Variants in MCU observed in about 807,000 individuals in gnomAD.
MCU encodes the protein mitochondrial calcium uniporter.
A neutral mutation model predicts 45.2 loss-of-function variants in MCU; 12 were observed. The ratio of observed to expected loss-of-function variants is 0.27; its 90% confidence interval spans 0.17 to 0.43. The LOEUF (loss-of-function observed/expected upper bound fraction) is 0.43, where lower values mean the gene tolerates loss of function less well. MCU is among the 20% of genes least tolerant of loss of function. The pLI is 1.00. For missense variants in MCU, 324 were observed against 436.7 expected (o/e 0.74, Z 2.30); for synonymous variants, 160 against 165.1 (o/e 0.97, Z 0.24).
chr10:72,705,527 C>CA (rs938122032), intron 1 of MCU, among the ~76,000 whole-genome samples: 32 of 150,610 alleles, frequency 2.1e-4, no homozygotes, highest in South Asian at 6.3e-4. Context: ...ACTAAAAATA[C>CA]AAAAAAAAGA....
chr10:72,702,135 C>T (rs957235122), intron 1 of MCU, among the ~76,000 whole-genome samples: 31 of 151,570 alleles, frequency 2.0e-4, no homozygotes, highest in African/African-American at 6.3e-4. Flanking sequence ...GCCATAATTC[C>T]AGCCACTTGG....
At chr10:72,729,952 CT>C (rs58668483) in intron 1 of MCU, among the ~76,000 whole-genome samples, 6,506 of 90,564 alleles carry the variant, frequency 0.072, 694 homozygotes, top group African/African-American at 0.24. Flanking sequence ...CTTCAGCATT[CT>C]TTTTTTTTTT....
intron 1 of MCU, among the ~76,000 whole-genome samples, chr10:72,788,786 A>G (rs1321620276): frequency 6.6e-6 from 1 of 152,256 alleles, no homozygotes; most frequent in Non-Finnish European, 1.5e-5. Flanking sequence ...ATTGTCACCT[A>G]GTAGCAATTA....
chr10:72,743,577 CT>C (rs1379408929), intron 1 of MCU, among the ~76,000 whole-genome samples: 2 of 151,740 alleles, frequency 1.3e-5, no homozygotes, highest in East Asian at 1.9e-4. Flanking sequence ...CATTTTTTTT[CT>C]GTACTTGTAC....
At chr10:72,816,414 A>T (rs1011390237) in intron 1 of MCU, among the ~76,000 whole-genome samples, 1 of 152,200 alleles carries the variant, frequency 6.6e-6, no homozygotes, top group Non-Finnish European at 1.5e-5. Flanking sequence ...GGCTTCCTGA[A>T]CTTCAGTAAT....
chr10:72,799,648 T>C (rs1411103275), intron 1 of MCU, among the ~76,000 whole-genome samples: 1 of 152,132 alleles, frequency 6.6e-6, no homozygotes, highest in Non-Finnish European at 1.5e-5. Flanking sequence ...AACAGAATTT[T>C]TGGGGCTAAG....
rs1169194874 is a variant in MCU at position 72,692,246 on chromosome 10, G to T, written c.95G>T (p.Gly32Val). The T allele has an allele frequency of 8.1e-7, 1 of 1,238,956 alleles. No individual in the cohort carries two copies. The highest frequency in any genetic ancestry group is 1.6e-5 in the African/African-American group (1 of 64,330). 76.7% of individuals were successfully genotyped at this position (1,238,956 alleles called of 1,614,324 possible). The change falls in exon 1 of 8, where the codon GGC (glycine) becomes GTC (valine). Residue 32 changes from glycine (G) to valine (V), a missense_variant. By Grantham distance (109) the Gly-to-Val change is moderately radical. This residue lies in a region of MCU where 111 missense variants were observed against 112.3 expected (regional missense o/e 0.99). Transcript: ENST00000373053. The part of the protein sequence containing the change: ...GAGGCGALTA[G>V]CFPGLGVSRH... Reference sequence around the variant, plus strand: ...GGCGGCTGCGGGGCGCTGACTGCCGGCTGCTTCCCTGGGCTGGGCGTCAGC... The same window carrying T: ...GGCGGCTGCGGGGCGCTGACTGCCGTCTGCTTCCCTGGGCTGGGCGTCAGC...
At chr10:72,812,577 A>C (rs1844561770) in intron 1 of MCU, among the ~76,000 whole-genome samples, 1 of 152,202 alleles carries the variant, frequency 6.6e-6, no homozygotes, top group Non-Finnish European at 1.5e-5. Context: ...GACATGATGC[A>C]AAAGGACAAA....
intron 1 of MCU, among the ~76,000 whole-genome samples, chr10:72,714,343 G>GTTTTTTTTTTT (rs1479850646): frequency 2.0e-4 from 10 of 49,476 alleles, no homozygotes; most frequent in African/African-American, 7.4e-4. Context: ...CCCCGCCCTG[G>GTTTTTTTTTTT]TCTTTTTTTT....
chr10:72,805,058 C>T (rs1406090109), intron 1 of MCU, among the ~76,000 whole-genome samples: 1 of 151,454 alleles, frequency 6.6e-6, no homozygotes, highest in Non-Finnish European at 1.5e-5. Flanking sequence ...GCATGAGCCA[C>T]CTCACCTGGC....
intron 1 of MCU, among the ~76,000 whole-genome samples, chr10:72,695,943 CA>C (rs1215652207): frequency 6.6e-6 from 1 of 151,446 alleles, no homozygotes; most frequent in Non-Finnish European, 1.5e-5. Context: ...GCGGGCAGAT[CA>C]GGGGGTCAGG....
At chr10:72,799,958 A>G (rs1353656319) in intron 1 of MCU, among the ~76,000 whole-genome samples, 1 of 152,206 alleles carries the variant, frequency 6.6e-6, no homozygotes, top group Non-Finnish European at 1.5e-5. Flanking sequence ...AGTCTTGACA[A>G]ATACAAGTTC....
At chr10:72,833,589 T>A (rs1283086127) in intron 1 of MCU, among the ~76,000 whole-genome samples, 2 of 152,242 alleles carry the variant, frequency 1.3e-5, no homozygotes, top group Non-Finnish European at 2.9e-5. Context: ...TTTTGTTCAG[T>A]TAATGCCTGC....
At chr10:72,733,513 A>G (rs1473844689) in intron 1 of MCU, among the ~76,000 whole-genome samples, 1 of 152,138 alleles carries the variant, frequency 6.6e-6, no homozygotes, top group Non-Finnish European at 1.5e-5. Context: ...GCTTGAGCCC[A>G]GGAATTCGAG....
chr10:72,760,839 A>G lies in MCU; in HGVS notation c.150+68538A>G, dbSNP rs1843646608. On this transcript the variant is annotated intron_variant, in intron 1 of 7. Coordinates refer to ENST00000373053, the MANE Select transcript of MCU (RefSeq NM_138357.3). Reference sequence around the variant, plus strand: ...AGTGCTGCGATTACAGGCATGAGCCACTGTGCCAGGCCCATAGATATTTTC... The same window carrying G: ...AGTGCTGCGATTACAGGCATGAGCCGCTGTGCCAGGCCCATAGATATTTTC... Among the ~76,000 whole-genome samples the G allele has an allele frequency of 2.0e-5, 3 of 150,398 alleles. 1 individual carries two copies. In the South Asian group the frequency reaches 6.3e-4, roughly 31 times the overall value.
At chr10:72,810,029 T>C (rs991103102) in intron 1 of MCU, among the ~76,000 whole-genome samples, 1 of 151,892 alleles carries the variant, frequency 6.6e-6, no homozygotes, top group Non-Finnish European at 1.5e-5. Context: ...TGTTTGTATG[T>C]GTGTGCGCGT....
rs1264520305 is a variant in MCU at position 72,801,696 on chromosome 10, C to T, written c.151-32663C>T. Among the ~76,000 whole-genome samples the T allele has an allele frequency of 4.2e-5, 6 of 144,204 alleles. No homozygotes were observed. The East Asian group carries it at 8.0e-4, about 19-fold the overall frequency. The allele number at this position is 144,204 out of a possible 152,430, so 94.6% of individuals were successfully genotyped here. On this transcript the variant is annotated intron_variant, in intron 1 of 7. Coordinates refer to ENST00000373053, the MANE Select transcript of MCU (RefSeq NM_138357.3). ...TTTCTTTTTTTTTTTTTTTAATACG[C>T]GGTCTCATTCTGTCACCCAGGTTGG...
intron 6 of MCU, 65 bp downstream of exon 6, chr10:72,871,645 C>A: frequency 1.4e-6 from 2 of 1,407,042 alleles, no homozygotes; most frequent in South Asian, 1.2e-5. Context: ...CAAAAGAGTT[C>A]TTTTTTCTCA....
At chr10:72,753,810 T>A (rs114609084) in intron 1 of MCU, among the ~76,000 whole-genome samples, 3,536 of 151,990 alleles carry the variant, frequency 0.023, 132 homozygotes, top group African/African-American at 0.082. Context: ...GCCTGGGAGA[T>A]TGAGATTGCA....
Sources: allele counts gnomAD v4.1 joint callset (sites outside exome capture counted in the v4.1 genomes callset), GRCh38; gene constraint gnomAD v4.1.1; regional missense constraint gnomAD v4.1.1; transcripts MANE v1.5; gene names NCBI Gene and HGNC (gene_info 2026-07-23, HGNC 2026-07-21).